The following RBPJ variants were observed in gnomAD, a reference collection of about 807,000 sequenced individuals.
RBPJ encodes the protein recombination signal binding protein for immunoglobulin kappa J region, also known as recombining binding protein suppressor of hairless.
RBPJ carries 9 observed loss-of-function variants against 67.8 expected under a neutral mutation model. That is an observed-to-expected ratio of 0.13 (90% CI 0.08 to 0.23). RBPJ has a LOEUF of 0.23. Among genes scored for constraint, RBPJ ranks in the 10% least tolerant of loss-of-function variants. RBPJ has a pLI of 1.00. For synonymous variants in RBPJ, 198 were observed against 203.3 expected (o/e 0.97, Z 0.22); for missense variants, 305 against 595.6 (o/e 0.51, Z 5.08).
At chr4:26,316,673 C>CATATATATATATACACATATTATGT (rs1722652873), upstream of RBPJ, among the ~76,000 whole-genome samples, 1 of 127,136 alleles carries the variant, frequency 7.9e-6, no homozygotes, top group African/African-American at 2.9e-5. Flanking sequence ...TATATATACA[C>CATATATATATATACACATATTATGT]ATATATATAT....
At chr4:26,142,416 C>T in the RBPJ span, among the ~76,000 whole-genome samples, 47 of 152,338 alleles carry the variant, frequency 3.1e-4, no homozygotes, top group African/African-American at 1.1e-3. Flanking sequence ...TGAGCTCAAT[C>T]CACATTTGTT....
upstream of RBPJ, among the ~76,000 whole-genome samples, chr4:26,316,609 C>T (rs1722643872): frequency 7.3e-6 from 1 of 136,918 alleles, no homozygotes; most frequent in African/African-American, 2.8e-5. Flanking sequence ...TATATATACA[C>T]ATATTGATAT....
chr4:26,409,342 G>A (rs935180288), intron 3 of RBPJ, among the ~76,000 whole-genome samples: 4 of 152,024 alleles, frequency 2.6e-5, no homozygotes, highest in South Asian at 2.1e-4. Flanking sequence ...CAAGGTGGGC[G>A]GATCACCTGA....
rs1466112940 is a variant in RBPJ at position 26,215,241 on chromosome 4, AAG to A, written c.-167+51629_-167+51630del. Among the ~76,000 whole-genome samples the A allele has an allele frequency of 1.5e-4, 2 of 13,398 alleles. 1 individual carries two copies. The highest frequency in any genetic ancestry group is 2.5e-4 in the Non-Finnish European group (2 of 8,076). 8.8% of individuals were successfully genotyped at this position (13,398 alleles called of 152,430 possible). A position where few individuals can be genotyped will look rare whatever the true frequency, so the allele number is the denominator to read the frequency against. On this transcript the variant is annotated intron_variant, in intron 1 of 4. Transcript: ENST00000512351. ...GAAAAAGAGAGAAAAGAGAGAAAGA[AAG>A]AAAGTAAGAAAGAAAGGAAGGGAGG...
chr4:26,143,905 G>T, the RBPJ span, among the ~76,000 whole-genome samples: 1 of 152,092 alleles, frequency 6.6e-6, no homozygotes, highest in African/African-American at 2.4e-5. Context: ...TCCAGCCTGC[G>T]CATCAAAGCA....
At chr4:26,420,856 G>A (rs917983400) in intron 5 of RBPJ, 131 bp downstream of exon 5, 3 of 711,358 alleles carry the variant, frequency 4.2e-6, no homozygotes, top group African/African-American at 3.7e-5. Context: ...CCTCTTTATT[G>A]TCTCTCTTTT....
At chr4:26,137,765 A>G in the RBPJ span, among the ~76,000 whole-genome samples, 1 of 152,162 alleles carries the variant, frequency 6.6e-6, no homozygotes, top group Non-Finnish European at 1.5e-5. Context: ...TGGGTCATCA[A>G]ATGATGAACT....
chr4:26,284,879 T>G (rs1721409769), intron 1 of RBPJ, among the ~76,000 whole-genome samples: 1 of 148,936 alleles, frequency 6.7e-6, no homozygotes, highest in South Asian at 2.1e-4. Flanking sequence ...TCTTTTGAAA[T>G]GAAGTCTTAC....
intron 2 of RBPJ, among the ~76,000 whole-genome samples, chr4:26,394,090 G>A (rs1364261433): frequency 2.0e-5 from 3 of 150,258 alleles, no homozygotes; most frequent in Non-Finnish European, 4.4e-5. Context: ...GCAGTGGCGC[G>A]ATCTCTGCTC....
intron 1 of RBPJ, among the ~76,000 whole-genome samples, chr4:26,299,300 C>G (rs1158350312): frequency 6.6e-6 from 1 of 152,054 alleles, no homozygotes; most frequent in Non-Finnish European, 1.5e-5. Flanking sequence ...AGAAGAACAC[C>G]CCTATCTAGA....
chr4:26,208,025 G>A (rs187144713), intron 1 of RBPJ, among the ~76,000 whole-genome samples: 1 of 152,224 alleles, frequency 6.6e-6, no homozygotes, highest in Non-Finnish European at 1.5e-5. Flanking sequence ...TAGCCTTTCA[G>A]TCCTGCAGAT....
intron 2 of RBPJ, among the ~76,000 whole-genome samples, chr4:26,398,707 A>G (rs2109703876): frequency 6.6e-6 from 1 of 152,186 alleles, no homozygotes; most frequent in Non-Finnish European, 1.5e-5. Context: ...TCTGCCTTCC[A>G]CGTTCAAGTG....
chr4:26,262,264 G>A (rs1380828380), intron 1 of RBPJ, among the ~76,000 whole-genome samples: 1 of 151,406 alleles, frequency 6.6e-6, no homozygotes, highest in Non-Finnish European at 1.5e-5. Context: ...TTTAAGAAAT[G>A]AAGTCTCACT....
upstream of RBPJ, among the ~76,000 whole-genome samples, chr4:26,318,726 C>T (rs539668311): frequency 5.3e-5 from 8 of 152,182 alleles, no homozygotes; most frequent in Admixed American, 2.0e-4. Context: ...CTGCCAGGCG[C>T]GGTGGCTCAC....
intron 1 of RBPJ, among the ~76,000 whole-genome samples, chr4:26,191,305 T>A (rs1717536388): frequency 6.8e-6 from 1 of 147,034 alleles, no homozygotes; most frequent in Non-Finnish European, 1.5e-5. Context: ...CAAGGATGAT[T>A]TTTTGATTTT....
At chr4:26,373,684 T>G (rs1451842685) in intron 1 of RBPJ, among the ~76,000 whole-genome samples, 1 of 152,222 alleles carries the variant, frequency 6.6e-6, no homozygotes, top group African/African-American at 2.4e-5. Flanking sequence ...GAATTCTGAT[T>G]GATAGTGTAA....
the RBPJ span, among the ~76,000 whole-genome samples, chr4:26,110,474 G>A: frequency 6.6e-6 from 1 of 152,154 alleles, no homozygotes; most frequent in East Asian, 1.9e-4. This position sits in a 1 kb window ranked among gnomAD's most constrained non-coding sequence, Gnocchi z 4.5. Flanking sequence ...TCAGCTGGCC[G>A]CTTTGAACTC....
intron 1 of RBPJ, among the ~76,000 whole-genome samples, chr4:26,251,803 G>T (rs1233940826): frequency 8.7e-5 from 12 of 137,986 alleles, no homozygotes; most frequent in Admixed American, 8.4e-4. Flanking sequence ...AGCCAAGATT[G>T]TGCCGTTGCC....
chr4:26,132,069 T>C, the RBPJ span, among the ~76,000 whole-genome samples: 2 of 152,026 alleles, frequency 1.3e-5, no homozygotes, highest in African/African-American at 4.8e-5. Flanking sequence ...GTTCTATTTG[T>C]GCATGGACAT....
Sources: allele counts gnomAD v4.1 joint callset (sites outside exome capture counted in the v4.1 genomes callset), GRCh38; gene constraint gnomAD v4.1.1; non-coding constraint Gnocchi (gnomAD v3.1); transcripts MANE v1.5; gene names NCBI Gene and HGNC (gene_info 2026-07-23, HGNC 2026-07-21).